IQGAP2: variants seen among roughly 807,000 people sequenced by gnomAD.
IQGAP2 encodes ras GTPase-activating-like protein IQGAP2.
A neutral mutation model predicts 201.3 loss-of-function variants in IQGAP2; 173 were observed. The observed-to-expected ratio is 0.86, with a 90% confidence interval of 0.76 to 0.98. The LOEUF (loss-of-function observed/expected upper bound fraction) is 0.98. IQGAP2 is among the 50% of genes least tolerant of loss of function. The pLI, the probability that IQGAP2 is intolerant of heterozygous loss-of-function variation, is 0.00. For missense variants in IQGAP2, 1,687 were observed against 1,864.8 expected (o/e 0.90, Z 1.76); for synonymous variants, 675 against 673.9 (o/e 1.00, Z -0.03).
intron 17 of IQGAP2, among the ~76,000 whole-genome samples, chr5:76,645,956 T>A (rs180743907): frequency 6.6e-6 from 1 of 152,314 alleles, no homozygotes; most frequent in East Asian, 1.9e-4. Context: ...TAATTGAAAT[T>A]AAGTGTTTTT....
At position 76,702,551 on chromosome 5, in the gene IQGAP2, C is replaced by A; in HGVS notation, c.4575C>A (p.Phe1525Leu). 1 of 1,596,970 alleles carries A rather than the reference C, an allele frequency of 6.3e-7. No homozygotes were observed. Among genetic ancestry groups the A allele is most frequent in the Non-Finnish European group, 8.6e-7 (1 of 1,164,512 alleles). The change falls in exon 35 of 36, where the codon TTC becomes TTA. Residue 1525 changes from phenylalanine (F) to leucine (L), a missense_variant. By Grantham distance (22) the Phe-to-Leu change is conservative. Coordinates refer to ENST00000274364, the MANE Select transcript of IQGAP2 (RefSeq NM_006633.5). ...DVGIFDVRSKFLGVEMEKVQL... is the reference protein window; with the variant it reads ...DVGIFDVRSKLLGVEMEKVQL... The stretch of plus-strand genomic sequence containing the variant: ...GCATTTTCGATGTAAGATCAAAATT[C>A]CTTGGTGTTGAGATGGAAAAGGTGC...
chr5:76,695,715 AATCACC>A, intron 32 of IQGAP2, 49 bp downstream of exon 32: 1 of 1,486,994 alleles, frequency 6.7e-7, no homozygotes, highest in Non-Finnish European at 9.3e-7. Context: ...GACATTTGCT[AATCACC>A]AGTCAAGTGC....
intron 8 of IQGAP2, among the ~76,000 whole-genome samples, chr5:76,592,584 G>A (rs1268896298): frequency 2.0e-5 from 3 of 152,084 alleles, no homozygotes; most frequent in Admixed American, 6.5e-5. Context: ...AATACCAAGT[G>A]GTCCAAACTA....
At chr5:76,459,983 G>A in intron 1 of IQGAP2, among the ~76,000 whole-genome samples, 1 of 152,096 alleles carries the variant, frequency 6.6e-6, no homozygotes, top group Non-Finnish European at 1.5e-5. Context: ...GAGTAATGAT[G>A]AGCTCACTTA....
chr5:76,699,607 CT>C (rs1747090806), intron 33 of IQGAP2: 1 of 7,544 alleles, frequency 1.3e-4, no homozygotes, highest in Non-Finnish European at 2.9e-4. Context: ...CTCTCTGTTT[CT>C]CTCTCTCTCT....
chr5:76,456,846 G>A lies in IQGAP2; in HGVS notation c.47-4724G>A, dbSNP rs79202020. ...CTGTAATCCCAGCACTTTGGGAGGC[G>A]TAAACTGGAGGACTGTTTGAGCTCA... is the stretch of plus-strand genomic sequence containing the variant. On this transcript the variant is annotated intron_variant, in intron 1 of 35. Coordinates refer to ENST00000274364, the MANE Select transcript of IQGAP2 (RefSeq NM_006633.5). Among the ~76,000 whole-genome samples the A allele has an allele frequency of 2.3e-4, 35 of 152,224 alleles. 1 individual carries two copies. The East Asian group carries it at 6.0e-3, about 26-fold the overall frequency.
chr5:76,498,822 T>TG (rs1032364860), intron 2 of IQGAP2, among the ~76,000 whole-genome samples: 4 of 152,172 alleles, frequency 2.6e-5, no homozygotes, highest in Non-Finnish European at 5.9e-5. Flanking sequence ...TCAGAATCAG[T>TG]GGAAGAGACA....
rs1424460680 is a variant in IQGAP2, at chr5:76,445,402, C to T, written c.47-16168C>T. On this transcript the variant is annotated intron_variant, in intron 1 of 35. Coordinates refer to ENST00000274364, the MANE Select transcript of IQGAP2 (RefSeq NM_006633.5). Reference sequence around the variant, plus strand: ...TATTTGCAAAGAATTGAGAATAGCACCTGGCATATAGAACATGCTATACAA... The same window carrying T: ...TATTTGCAAAGAATTGAGAATAGCATCTGGCATATAGAACATGCTATACAA... 2.6e-5 allele frequency among the ~76,000 whole-genome samples: 4 copies of T among 151,884 alleles called. 1 individual carries two copies. Among genetic ancestry groups the T allele is most frequent in the Admixed American group, 2.0e-4 (3 of 15,254 alleles).
chr5:76,617,853 A>G, intron 13 of IQGAP2: 1 of 1,614,102 alleles, frequency 6.2e-7, no homozygotes, highest in Non-Finnish European at 8.5e-7. Flanking sequence ...TGTCCGGATG[A>G]TGGCTGCATA....
chr5:76,579,228 G>C (rs1745672502), intron 5 of IQGAP2, among the ~76,000 whole-genome samples: 1 of 152,008 alleles, frequency 6.6e-6, no homozygotes, highest in African/African-American at 2.4e-5. Context: ...GTTTTGAGTT[G>C]TCCTTGGCTA....
chr5:76,695,815 G>T, intron 32 of IQGAP2, 149 bp downstream of exon 32: 1 of 456,286 alleles, frequency 2.2e-6, no homozygotes, highest in Non-Finnish European at 4.0e-6. Flanking sequence ...GATTTTTCAA[G>T]GTTTCAAAGC....
intron 11 of IQGAP2, among the ~76,000 whole-genome samples, chr5:76,601,774 ACC>A (rs1251940790): frequency 6.6e-6 from 1 of 152,182 alleles, no homozygotes; most frequent in Non-Finnish European, 1.5e-5. Flanking sequence ...CCAAGGAAAA[ACC>A]AGAGATTTCT....
chr5:76,520,730 G>A (rs1758623805), intron 2 of IQGAP2, among the ~76,000 whole-genome samples: 1 of 136,144 alleles, frequency 7.3e-6, no homozygotes, highest in Non-Finnish European at 1.5e-5. Context: ...TTGAAACGGA[G>A]TCTCACTCTG....
intron 5 of IQGAP2, among the ~76,000 whole-genome samples, chr5:76,587,762 TG>T (rs1746351160): frequency 1.3e-5 from 2 of 151,700 alleles, no homozygotes; most frequent in African/African-American, 4.8e-5. Context: ...GCCAACATGG[TG>T]AAACCCCGTC....
intron 25 of IQGAP2, 181 bp downstream of exon 25, chr5:76,673,770 A>C (rs1241344310): frequency 5.7e-6 from 4 of 697,660 alleles, no homozygotes; most frequent in African/African-American, 1.8e-5. Flanking sequence ...GCAATACTTC[A>C]GTAGCAAACA....
At chr5:76,648,193 C>T (rs460482) in intron 17 of IQGAP2, among the ~76,000 whole-genome samples, 75,703 of 151,944 alleles carry the variant, frequency 0.5, 19,335 homozygotes, top group Non-Finnish European at 0.56. Flanking sequence ...CCAGCAATAA[C>T]GAGGAGGCCT....
At chr5:76,493,212 C>A (rs1025678719) in intron 2 of IQGAP2, among the ~76,000 whole-genome samples, 1 of 152,088 alleles carries the variant, frequency 6.6e-6, no homozygotes, top group African/African-American at 2.4e-5. Context: ...CCCACACTCA[C>A]GGTGGCTCTC....
chr5:76,558,259 C>T (rs1277706516), intron 2 of IQGAP2, among the ~76,000 whole-genome samples: 1 of 152,160 alleles, frequency 6.6e-6, no homozygotes, highest in Non-Finnish European at 1.5e-5. Context: ...CAACTTATCT[C>T]CCCCTACTCT....
chr5:76,589,881 T>C (rs1467286069), intron 7 of IQGAP2, among the ~76,000 whole-genome samples, 153 bp downstream of exon 7: 1 of 150,378 alleles, frequency 6.6e-6, no homozygotes, highest in African/African-American at 2.4e-5. Context: ...AATTTGAGGA[T>C]GTCAGAATAT....
Sources: allele counts gnomAD v4.1 joint callset (sites outside exome capture counted in the v4.1 genomes callset), GRCh38; gene constraint gnomAD v4.1.1; transcripts MANE v1.5; gene names NCBI Gene and HGNC (gene_info 2026-07-23, HGNC 2026-07-21).